The following RGPD4 variants were observed in gnomAD, a reference collection of about 807,000 sequenced individuals.
RGPD4 encodes the protein RANBP2 like and GRIP domain containing 4.
Under a neutral mutation model 141.1 loss-of-function variants are expected in RGPD4, and 84 were observed. That is an observed-to-expected ratio of 0.60 (90% CI 0.50 to 0.71). The LOEUF (loss-of-function observed/expected upper bound fraction) is 0.71, where lower values mean the gene tolerates loss of function less well. Ranked by LOEUF, RGPD4 falls within the 30% of genes least tolerant of loss-of-function variation. RGPD4 has a pLI of 0.00. For missense variants in RGPD4, 918 were observed against 1,622.4 expected (o/e 0.57, Z 7.46); for synonymous variants, 298 against 566.8 (o/e 0.53, Z 6.74).
chr2:107,882,722 G>A lies in RGPD4; in HGVS notation c.5115G>A (p.Glu1705=). ...RRLERNQEQE[E]SAANVEHLKN... ...TGGAAAGGAATCAAGAGCAAGAGGA[G>A]TCTGCAGCTAACGTGGAACACTTGA... The change falls in exon 22 of 23, where the codon GAG becomes GAA. Residue 1705 remains glutamate, a synonymous_variant. Coordinates refer to ENST00000408999, the MANE Select transcript of RGPD4 (RefSeq NM_182588.3). The A allele has an allele frequency of 6.2e-7, 1 of 1,611,684 alleles. No individual in the cohort carries two copies. Among genetic ancestry groups the A allele is most frequent in the South Asian group, 1.1e-5 (1 of 90,982 alleles).
chr2:107,857,442 T>G (rs1682363093), intron 9 of RGPD4, among the ~76,000 whole-genome samples: 1 of 147,268 alleles, frequency 6.8e-6, no homozygotes, highest in Admixed American at 6.8e-5. Flanking sequence ...ACCAGCCTTG[T>G]TGTATTTTGA....
chr2:107,881,397 A>G (rs1309906672), intron 21 of RGPD4, among the ~76,000 whole-genome samples: 1 of 151,474 alleles, frequency 6.6e-6, no homozygotes, highest in Non-Finnish European at 1.5e-5. Context: ...AGCTCACTGC[A>G]ATCTCCGCCT....
chr2:107,857,928 G>A (rs1053531372), intron 9 of RGPD4, among the ~76,000 whole-genome samples: 22 of 152,112 alleles, frequency 1.4e-4, no homozygotes, highest in African/African-American at 4.6e-4. Context: ...GGTGGAGGTT[G>A]CAGTGAGCCA....
At chr2:107,845,044 ATCTC>A (rs901409647) in intron 6 of RGPD4, among the ~76,000 whole-genome samples, 1 of 136,038 alleles carries the variant, frequency 7.4e-6, no homozygotes, top group African/African-American at 2.9e-5. Context: ...GATGGTCTCA[ATCTC>A]TCTTTTTTTT....
At chr2:107,847,103 A>G (rs1336834871) in intron 6 of RGPD4, among the ~76,000 whole-genome samples, 2 of 148,724 alleles carry the variant, frequency 1.3e-5, no homozygotes, top group East Asian at 4.0e-4. Flanking sequence ...TTAGCCGGGC[A>G]TGTTGGTACG....
chr2:107,827,098 C>G lies in RGPD4; in HGVS notation c.72+13C>G, dbSNP rs760555530. ...GTCGCCTCGAAAGGTGAGTGGATCT[C>G]GAAGAGACCGACGGCCTCGACCTGG... On this transcript the variant is annotated intron_variant, in intron 1 of 22. Coordinates refer to ENST00000408999, the MANE Select transcript of RGPD4 (RefSeq NM_182588.3). The G allele has an allele frequency of 1.8e-5, 28 of 1,584,828 alleles. No individual in the cohort carries two copies. In the East Asian group the frequency reaches 2.8e-4, roughly 16 times the overall value.
intron 9 of RGPD4, among the ~76,000 whole-genome samples, chr2:107,857,804 C>A (rs1682378529): frequency 6.6e-6 from 1 of 150,626 alleles, no homozygotes; most frequent in African/African-American, 2.4e-5. Context: ...CCATCCTGGC[C>A]AACATGGTGA....
chr2:107,873,746 A>G (rs1683011392), intron 20 of RGPD4, among the ~76,000 whole-genome samples: 1 of 151,820 alleles, frequency 6.6e-6, no homozygotes, highest in East Asian at 1.9e-4. Flanking sequence ...TTTATGTTTT[A>G]AAAGCATATT....
chr2:107,878,313 C>A (rs1225986329), intron 20 of RGPD4, among the ~76,000 whole-genome samples: 2 of 151,376 alleles, frequency 1.3e-5, no homozygotes, highest in African/African-American at 2.4e-5. Context: ...TCTCAACAAT[C>A]TTTGAAGAAC....
At position 107,882,804 on chromosome 2, in the gene RGPD4, C is replaced by A. The variant is rs570292087; in HGVS notation, c.5197C>A (p.Leu1733Ile). The change falls in exon 22 of 23, where the codon CTT becomes ATT. Residue 1733 changes from leucine (L) to isoleucine (I), a missense_variant. Physicochemically the swap from Leu to Ile is conservative, Grantham distance 5. Transcript: ENST00000408999. The stretch of plus-strand genomic sequence containing the variant: ...GCCAGGTAGTGAAAGAGAGAGACTT[C>A]TTCCTGTTATAAATACGATGTTGCA... ...LKPGSERERLLPVINTMLQLS... is the reference protein window; with the variant it reads ...LKPGSERERLIPVINTMLQLS... 1 of 1,611,054 alleles carries A rather than the reference C, an allele frequency of 6.2e-7. No individual in the cohort carries two copies. The highest frequency in any genetic ancestry group is 1.3e-5 in the African/African-American group (1 of 74,232).
At chr2:107,845,408 A>G (rs1322590694) in intron 6 of RGPD4, among the ~76,000 whole-genome samples, 1 of 150,392 alleles carries the variant, frequency 6.6e-6, no homozygotes, top group Non-Finnish European at 1.5e-5. Context: ...GAGGGCCCTG[A>G]GGACAGCCCT....
rs893343734 is a variant in RGPD4 at position 107,857,956 on chromosome 2, T to G, written c.1276+987T>G. Among the ~76,000 whole-genome samples the G allele has an allele frequency of 1.3e-5, 2 of 151,994 alleles. 1 individual carries two copies. The highest frequency in any genetic ancestry group is 4.9e-5 in the African/African-American group (2 of 41,220). On this transcript the variant is annotated intron_variant, in intron 9 of 22. Coordinates refer to ENST00000408999, the MANE Select transcript of RGPD4 (RefSeq NM_182588.3). ...GTGAGCCAAGATGACACTGCTGCAC[T>G]ACAGCCTGGGCGACAGAGCGAGACT...
rs1573501273 is a variant in RGPD4 at position 107,859,566 on chromosome 2, A to T, written c.1634+12A>T. ...CACAGAAAAGCAGTGTAAGTAGTAA[A>T]ACAAAAATATTGCTTTCACTTAGTG... is the stretch of plus-strand genomic sequence containing the variant. On this transcript the variant is annotated intron_variant, in intron 11 of 22. Coordinates refer to ENST00000408999, the MANE Select transcript of RGPD4 (RefSeq NM_182588.3). 2.5e-6 allele frequency: 4 copies of T among 1,611,568 alleles called. No individual in the cohort carries two copies. In the East Asian group the frequency reaches 6.7e-5, roughly 27 times the overall value.
chr2:107,889,185 AG>A (rs1228164239), intron 22 of RGPD4, among the ~76,000 whole-genome samples: 2 of 143,538 alleles, frequency 1.4e-5, no homozygotes, highest in African/African-American at 5.5e-5. Context: ...TTTATCCAAG[AG>A]GAATGAAAAC....
At chr2:107,886,911 T>C (rs1474646682) in intron 22 of RGPD4, among the ~76,000 whole-genome samples, 10 of 151,720 alleles carry the variant, frequency 6.6e-5, no homozygotes, top group Non-Finnish European at 1.5e-4. Flanking sequence ...ATGGTGAAAT[T>C]AATTTGGTGG....
chr2:107,858,301 T>G (rs2912692), intron 9 of RGPD4, among the ~76,000 whole-genome samples: 18 of 150,880 alleles, frequency 1.2e-4, no homozygotes, highest in African/African-American at 2.0e-4. Flanking sequence ...CCTATAAACA[T>G]AATTACTGAG....
intron 6 of RGPD4, among the ~76,000 whole-genome samples, chr2:107,846,430 C>T (rs1435373877): frequency 1.3e-5 from 2 of 151,708 alleles, no homozygotes; most frequent in South Asian, 2.1e-4. Context: ...AAATGTAATC[C>T]ATTAAAAATG....
chr2:107,829,377 C>T lies in RGPD4; in HGVS notation c.72+2292C>T, dbSNP rs1307391777. Among the ~76,000 whole-genome samples the T allele has an allele frequency of 3.4e-4, 11 of 32,278 alleles. 2 individuals are homozygous for T. The highest frequency in any genetic ancestry group is 1.2e-3 in the African/African-American group (11 of 9,332). 21.2% of individuals were successfully genotyped at this position (32,278 alleles called of 152,430 possible). A position where few individuals can be genotyped will look rare whatever the true frequency, so the allele number is the denominator to read the frequency against. ...CGGCGGCCTCTACCTGGCCCGGCGGCGGCCTCGATGGCTCAGGCGTCATGG... is the reference window on the plus strand; with the variant it reads ...CGGCGGCCTCTACCTGGCCCGGCGGTGGCCTCGATGGCTCAGGCGTCATGG... On this transcript the variant is annotated intron_variant, in intron 1 of 22. Coordinates refer to ENST00000408999, the MANE Select transcript of RGPD4 (RefSeq NM_182588.3).
At chr2:107,833,763 G>A (rs1429003286) in intron 1 of RGPD4, among the ~76,000 whole-genome samples, 1 of 152,098 alleles carries the variant, frequency 6.6e-6, no homozygotes, top group African/African-American at 2.4e-5. Flanking sequence ...AACTGGCCGG[G>A]CTCCGTGGCT....
Sources: allele counts gnomAD v4.1 joint callset (sites outside exome capture counted in the v4.1 genomes callset), GRCh38; gene constraint gnomAD v4.1.1; transcripts MANE v1.5; gene names NCBI Gene and HGNC (gene_info 2026-07-23, HGNC 2026-07-21).